The following RYR1 variants were observed in gnomAD, a reference collection of about 807,000 sequenced individuals.
RYR1 encodes central core disease of muscle.
A neutral mutation model predicts 583.5 loss-of-function variants in RYR1; 342 were observed. The ratio of observed to expected loss-of-function variants is 0.59; its 90% CI spans 0.54 to 0.64. The LOEUF (loss-of-function observed/expected upper bound fraction) is 0.64. RYR1 is among the 30% of genes least tolerant of loss of function. The pLI is 0.00. For missense variants in RYR1, 6,032 were observed against 6,917.2 expected (o/e 0.87, Z 4.54); for synonymous variants, 2,791 against 2,822.5 (o/e 0.99, Z 0.35).
rs1973324493 is a variant in RYR1, at chr19:38,565,007, G to A, written c.12673G>A (p.Gly4225Ser). The A allele has an allele frequency of 2.5e-6, 4 of 1,592,954 alleles. No individual in the cohort carries two copies. The highest frequency in any genetic ancestry group is 2.6e-6 in the Non-Finnish European group (3 of 1,170,528). ...CATCTTCGACGTGGTGAACGAGGGC[G>A]GCGAGGCTGAGAAGATGGAGCTCTT... ...QFIFDVVNEG[G>S]EAEKMELFVS... The change falls in exon 91 of 106, where the codon GGC becomes AGC. Residue 4225 changes from glycine (G) to serine (S), a missense_variant. By Grantham distance (56) the Gly-to-Ser change is moderately conservative. Around this residue, in one of 11 missense-constraint regions of RYR1, gnomAD observed 753 missense variants for 759.6 expected, o/e 0.99. Transcript: ENST00000359596. This position sits in a 1 kb window ranked among gnomAD's most constrained non-coding sequence, Gnocchi z 4.7.
chr19:38,504,835 T>C lies in RYR1; in HGVS notation c.8155T>C (p.Tyr2719His), dbSNP rs200920798. 1 of 1,614,100 alleles carries C rather than the reference T, an allele frequency of 6.2e-7. No homozygotes were observed. The highest frequency in any genetic ancestry group is 8.5e-7 in the Non-Finnish European group (1 of 1,179,990). Residue 2719 changes from tyrosine to histidine, a missense_variant, in exon 51 of 106, where the codon TAC becomes CAC. Physicochemically the swap from Tyr to His is moderately conservative, Grantham distance 83 (BLOSUM62 2). This residue lies in a region of RYR1 where 1,493 missense variants were observed against 1,715.5 expected (regional missense o/e 0.87). Transcript: ENST00000359596. ...ALPPDYVDAS[Y>H]SSKAEKKATV... is the part of the protein sequence containing the mutation. The stretch of plus-strand genomic sequence containing the variant: ...GCCCCCCGACTATGTGGATGCCTCA[T>C]ACTCATCTAAGGCAGAGAAAAAGGC...
chr19:38,448,733 C>CCTG lies in RYR1; in HGVS notation c.1042_1043insCTG (p.Gln348delinsProGlu). On this transcript the variant is annotated protein_altering_variant, in exon 11 of 106. Coordinates refer to ENST00000359596, the MANE Select transcript of RYR1 (RefSeq NM_000540.3). Reference sequence around the variant, plus strand: ...GTACGGGGAGTCACTGTGCTTCGTGCAGCATGTGGCCTCAGGACTGTGGCT... The same window carrying CCTG: ...GTACGGGGAGTCACTGTGCTTCGTGCCTGAGCATGTGGCCTCAGGACTGTGGCT... The CCTG allele has an allele frequency of 6.2e-7, 1 of 1,614,240 alleles. No homozygotes were observed. The highest frequency in any genetic ancestry group is 8.5e-7 in the Non-Finnish European group (1 of 1,180,046).
At chr19:38,472,944 A>C (rs973000158) in intron 27 of RYR1, among the ~76,000 whole-genome samples, 3 of 150,032 alleles carry the variant, frequency 2.0e-5, no homozygotes, top group Admixed American at 2.0e-4. Flanking sequence ...TGAACCCTGT[A>C]GGCAGAGGTT....
chr19:38,582,511 C>T (rs6508809), intron 101 of RYR1, among the ~76,000 whole-genome samples: 17,930 of 151,968 alleles, frequency 0.12, 2,161 homozygotes, highest in African/African-American at 0.3. Context: ...CCAGGCCGGG[C>T]GCAGTGACTC....
chr19:38,551,025 C>CTTTTTTTTTT lies in RYR1; in HGVS notation c.12282+2635_12282+2644dup, dbSNP rs71165560. Among the ~76,000 whole-genome samples the CTTTTTTTTTT allele has an allele frequency of 1.7e-4, 7 of 41,358 alleles. 1 individual carries two copies. The highest frequency in any genetic ancestry group is 7.4e-4 in the Admixed American group (2 of 2,700). 27.1% of individuals were successfully genotyped at this position (41,358 alleles called of 152,430 possible). ...CATTTATATCAGTGTGGATTCACGG[C>CTTTTTTTTTT]TTTTTTTTTTTTTTTTTTTTTTTTT... On this transcript the variant is annotated intron_variant, in intron 89 of 105. Transcript: ENST00000359596.
In RYR1 at chr19:38,486,037, C is replaced by T. The variant is rs1257221583; in HGVS notation, c.5382C>T (p.Ala1794=). ...TGCCAGCTGCTGGGGCAGCAGAGGC[C>T]CCGGCCCGCCTCAGCCCTGCCATCC... ...AALPAAGAAE[A]PARLSPAIPL... The change falls in exon 34 of 106, where the codon GCC becomes GCT. Residue 1794 remains alanine, a synonymous_variant. Transcript: ENST00000359596. 6.2e-7 allele frequency: 1 copy of T among 1,612,904 alleles called. No homozygotes were observed. Among genetic ancestry groups the T allele is most frequent in the South Asian group, 1.1e-5 (1 of 91,032 alleles).
intron 89 of RYR1, among the ~76,000 whole-genome samples, chr19:38,557,693 A>G (rs1972939934): frequency 6.6e-6 from 1 of 152,196 alleles, no homozygotes. Context: ...AGTCCCAGCT[A>G]CTTGGGAGGC....
In RYR1 at chr19:38,528,088, C is replaced by G. The variant is rs908644; in HGVS notation, c.10825-218C>G. 0.18 allele frequency: 113,356 copies of G among 632,186 alleles called. 11,882 individuals carry two copies. The highest frequency in any genetic ancestry group is 0.36 in the African/African-American group (19,879 of 54,726). 39.2% of individuals were successfully genotyped at this position (632,186 alleles called of 1,614,324 possible). On this transcript the variant is annotated intron_variant, in intron 73 of 105. Coordinates refer to ENST00000359596, the MANE Select transcript of RYR1 (RefSeq NM_000540.3). Reference sequence around the variant, plus strand: ...GGTCGTAGAATTGGTCGTGGCCTGGCTCGTGGTCCTGGCTCTGTGGGACCT... The same window carrying G: ...GGTCGTAGAATTGGTCGTGGCCTGGGTCGTGGTCCTGGCTCTGTGGGACCT...
In RYR1 at chr19:38,561,817, C is replaced by T. The variant is rs994581531; in HGVS notation, c.12624+363C>T. Among the ~76,000 whole-genome samples the T allele has an allele frequency of 1.3e-5, 2 of 152,132 alleles. No homozygotes were observed. Among genetic ancestry groups the T allele is most frequent in the Non-Finnish European group, 2.9e-5 (2 of 68,012 alleles). ...GATGCAGCCCTACCCACACTCTCAC[C>T]TCCTCGAACCTGCATGGCGACACAC... On this transcript the variant is annotated intron_variant, in intron 90 of 105. Transcript: ENST00000359596. The surrounding 1 kb of genome is among the most constrained non-coding windows in gnomAD (Gnocchi z 4.8).
At chr19:38,497,565 C>G (rs892770732) in intron 42 of RYR1, among the ~76,000 whole-genome samples, 2 of 152,146 alleles carry the variant, frequency 1.3e-5, no homozygotes, top group Non-Finnish European at 1.5e-5. Flanking sequence ...ATGAATTAAT[C>G]CAGTAAAGTG....
intron 76 of RYR1, among the ~76,000 whole-genome samples, chr19:38,531,553 G>C (rs1379490288): frequency 2.6e-5 from 4 of 151,984 alleles, no homozygotes; most frequent in Non-Finnish European, 4.4e-5. Flanking sequence ...TGGCAAGATG[G>C]CTCTGGGAGC....
intron 39 of RYR1, among the ~76,000 whole-genome samples, chr19:38,495,605 C>A (rs773033868): frequency 5.9e-5 from 9 of 152,088 alleles, no homozygotes; most frequent in Non-Finnish European, 7.4e-5. Flanking sequence ...CCTTGGCCTC[C>A]CAAAGGGCTG....
Position 38,539,436 on chromosome 19 carries a change from A to G in RYR1, c.11689+1476A>G, listed in dbSNP as rs145701221. On this transcript the variant is annotated intron_variant, in intron 84 of 105. Transcript: ENST00000359596. ...TTATTTTTTGTAGAGATGAGATCTC[A>G]CTGTGTTGCCCAGGGGATCTCAAAC... 9.1e-4 allele frequency among the ~76,000 whole-genome samples: 138 copies of G among 151,994 alleles called. 1 individual carries two copies. The highest frequency in any genetic ancestry group is 3.3e-3 in the African/African-American group (135 of 41,482).
At chr19:38,548,110 A>G (rs1972510059) in intron 88 of RYR1, 123 bp from the exon 89 acceptor site, 1 of 1,026,764 alleles carries the variant, frequency 9.7e-7, no homozygotes, top group Non-Finnish European at 1.5e-6. Flanking sequence ...TGTGGAGGGG[A>G]GGCTGTGGCT....
chr19:38,465,826 C>T (rs546882066), intron 23 of RYR1, among the ~76,000 whole-genome samples: 19 of 152,120 alleles, frequency 1.2e-4, no homozygotes, highest in South Asian at 1.2e-3. Context: ...GAGAGAGTTC[C>T]GGGGTTAGAG....
At position 38,470,589 on chromosome 19, in the gene RYR1, C is replaced by T. The variant is rs145283623; in HGVS notation, c.3765+1076C>T. Among the ~76,000 whole-genome samples the T allele has an allele frequency of 4.3e-3, 658 of 152,066 alleles. 4 individuals carry two copies. The highest frequency in any genetic ancestry group is 0.015 in the African/African-American group (629 of 41,482). On this transcript the variant is annotated intron_variant, in intron 27 of 105. Coordinates refer to ENST00000359596, the MANE Select transcript of RYR1 (RefSeq NM_000540.3). ...AACCCATCTCTACTAAAAATACTCC[C>T]CCAAAATTAATGGCGTGGTGGCGGG...
At position 38,572,004 on chromosome 19, in the gene RYR1, C is replaced by T. The variant is rs371981114; in HGVS notation, c.13747-15C>T. The T allele has an allele frequency of 1.6e-4, 251 of 1,613,728 alleles. No individual in the cohort carries two copies. Among genetic ancestry groups the T allele is most frequent in the Non-Finnish European group, 2.0e-4 (237 of 1,180,042 alleles). The stretch of plus-strand genomic sequence containing the variant: ...ATGTGGCAGACCCACAGATGAATCT[C>T]TGTCCCCATTTCAGGTCTCAGACTC... On this transcript the variant is annotated splice_polypyrimidine_tract_variant and intron_variant, in intron 94 of 105. Transcript: ENST00000359596.
intron 23 of RYR1, 86 bp downstream of exon 23, chr19:38,464,808 G>T (rs1054718440): frequency 4.1e-6 from 5 of 1,230,906 alleles, no homozygotes; most frequent in Non-Finnish European, 5.8e-6. Context: ...GAGGGGTCTT[G>T]TGGGGAGGCT....
intron 2 of RYR1, 118 bp downstream of exon 2, chr19:38,440,982 A>T: frequency 7.0e-6 from 5 of 712,784 alleles, no homozygotes; most frequent in African/African-American, 5.9e-5. Context: ...AGAGAAAGTG[A>T]GGAGGGGGGC....
Sources: allele counts gnomAD v4.1 joint callset (sites outside exome capture counted in the v4.1 genomes callset), GRCh38; gene constraint gnomAD v4.1.1; regional missense constraint gnomAD v4.1.1; non-coding constraint Gnocchi (gnomAD v3.1); transcripts MANE v1.5; gene names NCBI Gene and HGNC (gene_info 2026-07-23, HGNC 2026-07-21).